SEPTIN7: variants seen among roughly 807,000 people sequenced by gnomAD.
SEPTIN7 encodes the protein septin-7.
A neutral mutation model predicts 63.3 loss-of-function variants in SEPTIN7; 10 were observed. The observed-to-expected ratio is 0.16, with a 90% CI of 0.10 to 0.27. SEPTIN7 has a LOEUF of 0.27. SEPTIN7 is among the 10% of genes least tolerant of loss of function. The pLI is 1.00. For synonymous variants in SEPTIN7, 131 were observed against 165.3 expected (o/e 0.79, Z 1.59); for missense variants, 310 against 521.0 (o/e 0.59, Z 3.94).
chr7:35,869,453 A>C (rs1234383854), intron 4 of SEPTIN7, among the ~76,000 whole-genome samples: 1 of 152,212 alleles, frequency 6.6e-6, no homozygotes, highest in Non-Finnish European at 1.5e-5. Flanking sequence ...ATCTCAGGCC[A>C]TTCCAATGTC....
chr7:35,830,338 G>A lies in SEPTIN7; in HGVS notation c.62-1154G>A, dbSNP rs186786667. On this transcript the variant is annotated intron_variant, in intron 1 of 13. Transcript: ENST00000350320. ...AGTGTAGCAGGAGATGAGGCCAGAA[G>A]TAAGAGTAGAGCCAGATCTTGCTAG... Among the ~76,000 whole-genome samples the A allele has an allele frequency of 1.8e-4, 28 of 152,352 alleles. No individual in the cohort carries two copies. In the East Asian group the frequency reaches 4.8e-3, roughly 26 times the overall value.
chr7:35,823,967 T>G (rs1488779923), intron 1 of SEPTIN7, among the ~76,000 whole-genome samples: 2 of 152,162 alleles, frequency 1.3e-5, no homozygotes, highest in Non-Finnish European at 2.9e-5. Flanking sequence ...TGTCTGCTAC[T>G]TGGTGTTTTC....
At chr7:35,894,726 A>G (rs779576039) in intron 11 of SEPTIN7, among the ~76,000 whole-genome samples, 4 of 152,302 alleles carry the variant, frequency 2.6e-5, no homozygotes, top group East Asian at 1.9e-4. Context: ...ATAGTGACCT[A>G]CTAACCACTG....
rs1373089855 is a variant in SEPTIN7 at position 35,817,984 on chromosome 7, A to C, written c.62-13508A>C. On this transcript the variant is annotated intron_variant, in intron 1 of 13. Transcript: ENST00000350320. ...TTACTTTACAATCTAGATACATTTT[A>C]TTTCTTTATTTTACCAAATGCCTTT... Among the ~76,000 whole-genome samples the C allele has an allele frequency of 2.0e-5, 3 of 151,380 alleles. No individual in the cohort carries two copies. The East Asian group carries it at 5.8e-4, about 29-fold the overall frequency.
downstream of SEPTIN7, among the ~76,000 whole-genome samples, chr7:35,910,866 C>G (rs1788729008): frequency 6.6e-6 from 1 of 152,070 alleles, no homozygotes; most frequent in African/African-American, 2.4e-5. Flanking sequence ...GTGGAGAGAC[C>G]CGATAACAAA....
intron 11 of SEPTIN7, among the ~76,000 whole-genome samples, chr7:35,896,307 T>C (rs1787957856): frequency 6.6e-6 from 1 of 152,202 alleles, no homozygotes; most frequent in African/African-American, 2.4e-5. Flanking sequence ...ATCATAATTG[T>C]TGGAAGTTGC....
At chr7:35,867,572 A>G (rs1268777661) in intron 4 of SEPTIN7, among the ~76,000 whole-genome samples, 6 of 147,562 alleles carry the variant, frequency 4.1e-5, no homozygotes, top group Admixed American at 2.0e-4. Flanking sequence ...CTGGTCTCGA[A>G]CTCCTGACCT....
intron 10 of SEPTIN7, chr7:35,888,823 CAAAAAAAAAA>C (rs70974780): frequency 3.7e-5 from 7 of 187,832 alleles, no homozygotes; most frequent in South Asian, 4.6e-5. Flanking sequence ...GACCCTGTAT[CAAAAAAAAAA>C]AAAAAAAAAA....
At chr7:35,836,509 C>T (rs950945773) in intron 3 of SEPTIN7, among the ~76,000 whole-genome samples, 4 of 152,040 alleles carry the variant, frequency 2.6e-5, no homozygotes, top group African/African-American at 9.7e-5. Context: ...ATGTATTTGA[C>T]CTATGCCACA....
Position 35,863,459 on chromosome 7 carries a change from T to TG in SEPTIN7, c.170-92dup, listed in dbSNP as rs1196475764. On this transcript the variant is annotated intron_variant, in intron 3 of 13. Coordinates refer to ENST00000350320, the MANE Select transcript of SEPTIN7 (RefSeq NM_001788.6). ...TTTCATTGTCTCACCAAGAAGTACT[T>TG]GCATAAGGCAAGTTTGATTATAGCA... 7.4e-6 allele frequency: 5 copies of TG among 679,112 alleles called. No individual in the cohort carries two copies. In the African/African-American group the frequency reaches 9.1e-5, roughly 12 times the overall value. The allele number at this position is 679,112 out of a possible 1,614,324, so 42.1% of individuals were successfully genotyped here. A position where few individuals can be genotyped will look rare whatever the true frequency, so the allele number is the denominator to read the frequency against.
intron 3 of SEPTIN7, chr7:35,847,273 C>A: frequency 6.3e-6 from 1 of 158,506 alleles, no homozygotes; most frequent in South Asian, 1.8e-4. Flanking sequence ...TCCAGGGATT[C>A]CTGCGATTCT....
At chr7:35,815,277 C>T (rs2115743099) in intron 1 of SEPTIN7, 2 of 306,420 alleles carry the variant, frequency 6.5e-6, no homozygotes, top group East Asian at 2.1e-4. Context: ...ACCAGAAGTG[C>T]TCATTGCTGC....
At chr7:35,889,218 G>C (rs1362427316) in intron 10 of SEPTIN7, among the ~76,000 whole-genome samples, 1 of 152,238 alleles carries the variant, frequency 6.6e-6, no homozygotes, top group Admixed American at 6.5e-5. Flanking sequence ...GAACTGTTCA[G>C]TGTCAGCCGC....
At position 35,904,437 on chromosome 7, in the gene SEPTIN7, TG is replaced by T. The variant is rs1788501982; in HGVS notation, c.*145del. On this transcript the variant is annotated 3_prime_UTR_variant, in exon 14 of 14. Coordinates refer to ENST00000350320, the MANE Select transcript of SEPTIN7 (RefSeq NM_001788.6). ...GCATGACAAAAATTATTTTTTTTTTTGTTCTTGATGGAGATTAAGATGCCTT... is the reference window on the plus strand; with the variant it reads ...GCATGACAAAAATTATTTTTTTTTTTTTCTTGATGGAGATTAAGATGCCTT... 1.8e-6 allele frequency: 1 copy of T among 565,868 alleles called. No homozygotes were observed. 35.1% of individuals were successfully genotyped at this position (565,868 alleles called of 1,614,324 possible).
chr7:35,801,054 G>A (rs1787914666), upstream of SEPTIN7: 1 of 498,980 alleles, frequency 2.0e-6, no homozygotes, highest in Non-Finnish European at 3.4e-6. Flanking sequence ...AGGAGGGAGC[G>A]GGAGTCGAGC....
At chr7:35,830,493 AT>A (rs1390359279) in intron 1 of SEPTIN7, among the ~76,000 whole-genome samples, 2 of 152,296 alleles carry the variant, frequency 1.3e-5, no homozygotes, top group Non-Finnish European at 2.9e-5. Context: ...AGACATTAGG[AT>A]TTTATAAAAG....
intron 3 of SEPTIN7, among the ~76,000 whole-genome samples, chr7:35,855,195 A>G (rs1045896251): frequency 1.3e-5 from 2 of 152,106 alleles, no homozygotes; most frequent in Non-Finnish European, 2.9e-5. Context: ...TGTTTTCCCT[A>G]TCACTGAATA....
intron 10 of SEPTIN7, among the ~76,000 whole-genome samples, chr7:35,889,254 C>T (rs1278650449): frequency 6.6e-6 from 1 of 152,172 alleles, no homozygotes; most frequent in African/African-American, 2.4e-5. Flanking sequence ...TAGGGAGCTG[C>T]CTGACTTGCC....
At position 35,820,570 on chromosome 7, in the gene SEPTIN7, T is replaced by A. The variant is rs558180846; in HGVS notation, c.62-10922T>A. ...TTATATTTTTTAACTCCAGAATTTT[T>A]AAAAAATTATCTTTTTTGATATTAT... On this transcript the variant is annotated intron_variant, in intron 1 of 13. Transcript: ENST00000350320. Among the ~76,000 whole-genome samples, 174 of 152,322 alleles carry A rather than the reference T, an allele frequency of 1.1e-3. 1 individual carries two copies. The highest frequency in any genetic ancestry group is 3.9e-3 in the African/African-American group (164 of 41,596).
Sources: allele counts gnomAD v4.1 joint callset (sites outside exome capture counted in the v4.1 genomes callset), GRCh38; gene constraint gnomAD v4.1.1; transcripts MANE v1.5; gene names NCBI Gene and HGNC (gene_info 2026-07-23, HGNC 2026-07-21).